Variants in IL6R observed in about 807,000 individuals in gnomAD.
The protein encoded by IL6R is interleukin-6 receptor subunit alpha.
IL6R carries 38 observed loss-of-function variants against 48.3 expected under a neutral mutation model. That is an observed-to-expected ratio of 0.79 (90% CI 0.61 to 1.03). The LOEUF (loss-of-function observed/expected upper bound fraction) is 1.03. Ranked by LOEUF, IL6R falls within the 50% of genes least tolerant of loss-of-function variation. IL6R has a pLI of 0.00. For synonymous variants in IL6R, 264 were observed against 256.2 expected, an observed-to-expected ratio of 1.03 and a Z score of -0.29; for missense variants, 534 against 618.3, an observed-to-expected ratio of 0.86 and a Z score of 1.45.
intron 1 of IL6R, among the ~76,000 whole-genome samples, chr1:154,428,732 G>A (rs1337603039): frequency 1.3e-5 from 2 of 152,190 alleles, no homozygotes; most frequent in African/African-American, 2.4e-5. Flanking sequence ...GGAGCTGGGG[G>A]ACCGGAAACG....
At chr1:154,410,739 C>T (rs1687974618) in intron 1 of IL6R, among the ~76,000 whole-genome samples, 1 of 152,182 alleles carries the variant, frequency 6.6e-6, no homozygotes, top group South Asian at 2.1e-4. Context: ...GTGCTTTCTA[C>T]TCTTAGGAGT....
intron 6 of IL6R, among the ~76,000 whole-genome samples, chr1:154,446,245 C>T (rs1356758978): frequency 2.0e-5 from 3 of 152,174 alleles, no homozygotes; most frequent in Non-Finnish European, 4.4e-5. Context: ...ACTTGCTGTG[C>T]GGCCTTGAAC....
In IL6R at chr1:154,449,960, C is replaced by G. The variant is rs768173607; in HGVS notation, c.1046C>G (p.Ala349Gly). The change falls in exon 8 of 10, where the codon GCA (alanine) becomes GGA (glycine). Residue 349 changes from alanine to glycine, a missense_variant. By Grantham distance (60) the Ala-to-Gly change is moderately conservative. Transcript: ENST00000368485. ...DDDNILFRDS[A>G]NATSLPVQDS... is the part of the protein sequence containing the mutation. ...GATAATATTCTCTTCAGAGATTCTG[C>G]AAATGCGACAAGCCTCCCAGGTAAG... The G allele has an allele frequency of 6.2e-7, 1 of 1,608,300 alleles. No homozygotes were observed. Among genetic ancestry groups the G allele is most frequent in the Non-Finnish European group, 8.5e-7 (1 of 1,174,676 alleles).
intron 8 of IL6R, 111 bp from the exon 9 acceptor site, chr1:154,454,377 G>T (rs551467827): frequency 1.2e-4 from 82 of 698,364 alleles, no homozygotes; most frequent in South Asian, 1.1e-3. Context: ...GGAGGGGAAG[G>T]TTCCTTTGAG....
At position 154,468,724 on chromosome 1, in the gene IL6R, G is replaced by C. The variant is rs554788859; in HGVS notation, c.*3344G>C. On this transcript the variant is annotated 3_prime_UTR_variant, in exon 10 of 10. Coordinates refer to ENST00000368485, the MANE Select transcript of IL6R (RefSeq NM_000565.4). Reference sequence around the variant, plus strand: ...CCTGGTAGTGAACAGGGCCCAGTGGGGCAGGCTGGGCATGTTGTGGTCTAT... The same window carrying C: ...CCTGGTAGTGAACAGGGCCCAGTGGCGCAGGCTGGGCATGTTGTGGTCTAT... 1 of 152,286 alleles carries C rather than the reference G, an allele frequency of 6.6e-6. No individual in the cohort carries two copies. The highest frequency in any genetic ancestry group is 2.1e-4 in the South Asian group (1 of 4,836). 9.4% of individuals were successfully genotyped at this position (152,286 alleles called of 1,614,324 possible).
At chr1:154,415,211 C>T (rs975193129) in intron 1 of IL6R, 1 of 658,768 alleles carries the variant, frequency 1.5e-6, no homozygotes, top group African/African-American at 1.8e-5. Context: ...CACTGTTCAC[C>T]TCCACCCCCA....
intron 9 of IL6R, among the ~76,000 whole-genome samples, chr1:154,458,568 G>A (rs1027521303): frequency 2.0e-5 from 3 of 152,052 alleles, no homozygotes; most frequent in Admixed American, 6.6e-5. Context: ...TACATTTGAC[G>A]GGAGGAAACT....
At chr1:154,422,170 G>A (rs746078463) in intron 1 of IL6R, among the ~76,000 whole-genome samples, 13 of 151,968 alleles carry the variant, frequency 8.6e-5, no homozygotes, top group East Asian at 1.9e-4. Flanking sequence ...TCAAACTCCC[G>A]ACCTCAGGTG....
At chr1:154,426,520 CAAAA>C (rs5777913) in intron 1 of IL6R, among the ~76,000 whole-genome samples, 1 of 121,712 alleles carries the variant, frequency 8.2e-6, no homozygotes, top group Non-Finnish European at 1.7e-5. Flanking sequence ...GATTCTGTCT[CAAAA>C]AAAAAAAAAA....
At chr1:154,416,049 G>A (rs1688327089) in intron 1 of IL6R, among the ~76,000 whole-genome samples, 1 of 152,130 alleles carries the variant, frequency 6.6e-6, no homozygotes, top group Non-Finnish European at 1.5e-5. Flanking sequence ...TATTAGTTCT[G>A]AACTTTCTAG....
chr1:154,465,138 A>G lies in IL6R; in HGVS notation c.1165A>G (p.Lys389Glu). Residue 389 changes from lysine to glutamate, a missense_variant, in exon 10 of 10, where the codon AAG (lysine) becomes GAG (glutamate). Coordinates refer to ENST00000368485, the MANE Select transcript of IL6R (RefSeq NM_000565.4). ...TCTTTGTGTGTTTGTGTGAAGGTTC[A>G]AGAAGACGTGGAAGCTGCGGGCTCT... The part of the protein sequence containing the change: ...LLCIAIVLRF[K>E]KTWKLRALKE... The G allele has an allele frequency of 6.2e-7, 1 of 1,614,176 alleles. No individual in the cohort carries two copies. The highest frequency in any genetic ancestry group is 2.2e-5 in the East Asian group (1 of 44,878).
rs535944059 is a variant in IL6R, at chr1:154,437,251, C to G, written c.949+1141C>G. 2.0e-5 allele frequency among the ~76,000 whole-genome samples: 3 copies of G among 152,212 alleles called. No homozygotes were observed. The East Asian group carries it at 5.8e-4, about 29-fold the overall frequency. On this transcript the variant is annotated intron_variant, in intron 6 of 9. Coordinates refer to ENST00000368485, the MANE Select transcript of IL6R (RefSeq NM_000565.4). ...AGCCGGGACTACAGGCACCTGCCAC[C>G]ACGCCCAGCTAATTTTTTCTATTTT... is the stretch of plus-strand genomic sequence containing the variant.
intron 6 of IL6R, among the ~76,000 whole-genome samples, chr1:154,442,652 G>A (rs923514587): frequency 2.6e-5 from 4 of 152,246 alleles, no homozygotes; most frequent in Non-Finnish European, 5.9e-5. Flanking sequence ...CTCTGTCTTA[G>A]CCCTGCTTTG....
chr1:154,418,160 G>A (rs533090043), intron 1 of IL6R, among the ~76,000 whole-genome samples: 9 of 152,200 alleles, frequency 5.9e-5, no homozygotes, highest in Non-Finnish European at 1.2e-4. Flanking sequence ...GTGAGCTGCC[G>A]CACATGGCCT....
At chr1:154,418,338 A>G in intron 1 of IL6R, 1 of 821,182 alleles carries the variant, frequency 1.2e-6, no homozygotes, top group Non-Finnish European at 1.5e-6. Context: ...AGCATTGAGC[A>G]TTACCTGTTT....
Position 154,430,738 on chromosome 1 carries a change from T to C in IL6R, c.458+132T>C, listed in dbSNP as rs1570954395. ...TTCCTTCAGGCTGAGGAAGAGGAGA[T>C]GAGAGGGAACTGAGATTTACATTTG... On this transcript the variant is annotated intron_variant, in intron 3 of 9. Coordinates refer to ENST00000368485, the MANE Select transcript of IL6R (RefSeq NM_000565.4). 11 of 1,226,324 alleles carry C rather than the reference T, an allele frequency of 9.0e-6. No individual in the cohort carries two copies. The East Asian group carries it at 2.6e-4, about 28-fold the overall frequency. 76.0% of individuals were successfully genotyped at this position (1,226,324 alleles called of 1,614,324 possible). A position where few individuals can be genotyped will look rare whatever the true frequency, so the allele number is the denominator to read the frequency against.
intron 3 of IL6R, among the ~76,000 whole-genome samples, chr1:154,432,364 T>C (rs1243204882): frequency 6.6e-6 from 1 of 151,802 alleles, no homozygotes; most frequent in South Asian, 2.1e-4. Flanking sequence ...ATACTTTTTT[T>C]TTTTTTTTTT....
chr1:154,445,239 A>G, intron 6 of IL6R: 2 of 378,652 alleles, frequency 5.3e-6, no homozygotes, highest in East Asian at 7.6e-5. Flanking sequence ...CTCAGCACGC[A>G]GGAGCTGCCT....
intron 1 of IL6R, among the ~76,000 whole-genome samples, chr1:154,423,291 A>G (rs956639603): frequency 1.5e-4 from 21 of 143,504 alleles, no homozygotes; most frequent in Admixed American, 2.9e-4. Flanking sequence ...ATATGTATTC[A>G]TTATAAGAGC....
Sources: allele counts gnomAD v4.1 joint callset (sites outside exome capture counted in the v4.1 genomes callset), GRCh38; gene constraint gnomAD v4.1.1; transcripts MANE v1.5; gene names NCBI Gene and HGNC (gene_info 2026-07-23, HGNC 2026-07-21).